Variants in NF1 observed in about 807,000 individuals in gnomAD.
NF1 encodes the protein neurofibromin.
In NF1, 122 loss-of-function variants were observed where a neutral mutation model predicts 325.7. The ratio of observed to expected loss-of-function variants is 0.37; its 90% CI spans 0.32 to 0.44. The LOEUF is 0.44. Ranked by LOEUF, NF1 falls within the 20% of genes least tolerant of loss-of-function variation. The pLI, the probability that NF1 is intolerant of heterozygous loss-of-function variation, is 1.00. For missense variants in NF1, 2,140 were observed against 3,415.4 expected, an observed-to-expected ratio of 0.63 and a Z score of 9.31; for synonymous variants, 1,091 against 1,186.0, an observed-to-expected ratio of 0.92 and a Z score of 1.65.
intron 12 of NF1, among the ~76,000 whole-genome samples, chr17:31,209,519 C>A (rs1392914563): frequency 2.6e-5 from 4 of 152,210 alleles, no homozygotes; most frequent in Non-Finnish European, 5.9e-5. Flanking sequence ...TAGAATACTT[C>A]TGATTCTTCC....
intron 8 of NF1, among the ~76,000 whole-genome samples, chr17:31,195,679 T>C (rs2066423151): frequency 1.3e-5 from 2 of 148,664 alleles, no homozygotes; most frequent in Non-Finnish European, 3.0e-5. Flanking sequence ...GTTCCATTCA[T>C]GTTGCCTTGA....
At chr17:31,102,253 G>A (rs762827749) in intron 1 of NF1, among the ~76,000 whole-genome samples, 4 of 152,090 alleles carry the variant, frequency 2.6e-5, no homozygotes, top group Admixed American at 6.6e-5. Context: ...CTTACTGTTA[G>A]GATATTTTGC....
chr17:31,234,987 A>G (rs1319719275), intron 27 of NF1, among the ~76,000 whole-genome samples: 2 of 152,150 alleles, frequency 1.3e-5, no homozygotes, highest in Non-Finnish European at 2.9e-5. Flanking sequence ...GTTTTACTAC[A>G]GAGAGTTATA....
intron 29 of NF1, among the ~76,000 whole-genome samples, chr17:31,240,933 A>G (rs533403057): frequency 6.6e-6 from 1 of 152,274 alleles, no homozygotes; most frequent in Admixed American, 6.5e-5. Context: ...GTTGGAGTGT[A>G]GTGGCGTGAT....
Position 31,327,552 on chromosome 17 carries a change from G to A in NF1, c.5322G>A (p.Gly1774=), listed in dbSNP as rs201584313. Residue 1774 remains glycine, a synonymous_variant, in exon 38 of 58, where the codon GGG becomes GGA. Coordinates refer to ENST00000358273, the MANE Select transcript of NF1 (RefSeq NM_001042492.3). ...VTSAERTKVL[G]QSVFLNDIYY... ...CAGCAGAGCGAACAAAAGTCCTAGGGCAATCAGTCTTTCTAAATGACATTT... is the reference window on the plus strand; with the variant it reads ...CAGCAGAGCGAACAAAAGTCCTAGGACAATCAGTCTTTCTAAATGACATTT... 31 of 1,614,126 alleles carry A rather than the reference G, an allele frequency of 1.9e-5. No homozygotes were observed. The African/African-American group carries it at 4.1e-4, about 22-fold the overall frequency.
intron 35 of NF1, among the ~76,000 whole-genome samples, chr17:31,263,135 A>AAGATAAGAT (rs2067723285): frequency 6.6e-6 from 1 of 151,804 alleles, no homozygotes; most frequent in Non-Finnish European, 1.5e-5. Flanking sequence ...AAGATAAGAT[A>AAGATAAGAT]AGATAAGATA....
chr17:31,185,362 C>G (rs1175876863), intron 8 of NF1, among the ~76,000 whole-genome samples: 1 of 152,160 alleles, frequency 6.6e-6, no homozygotes, highest in African/African-American at 2.4e-5. Context: ...TCATGTTTCA[C>G]TTCCACAACA....
chr17:31,363,518 C>A (rs1277191379), intron 57 of NF1, among the ~76,000 whole-genome samples: 1 of 150,174 alleles, frequency 6.7e-6, no homozygotes, highest in African/African-American at 2.5e-5. Flanking sequence ...CTCACTGCAA[C>A]CTCTGCCTCC....
intron 25 of NF1, 99 bp from the exon 26 acceptor site, chr17:31,232,601 C>T: frequency 8.8e-7 from 1 of 1,132,338 alleles, no homozygotes; most frequent in Non-Finnish European, 1.3e-6. Context: ...TAACCCAGGG[C>T]CATTCACACC....
intron 46 of NF1, chr17:31,340,272 A>G (rs370302267): frequency 1.8e-6 from 1 of 551,628 alleles, no homozygotes; most frequent in African/African-American, 1.9e-5. Flanking sequence ...TTTAGAAATC[A>G]AAGAACAGGG....
rs146307988 is a variant in NF1, at chr17:31,290,169, A to G, written c.4835+24830A>G. ...TTTTTATCAGGCTGGTTGTTTCAGC[A>G]TAATGGGGATTTTGTATAGACCAAT... On this transcript the variant is annotated intron_variant, in intron 36 of 57. Transcript: ENST00000358273. Among the ~76,000 whole-genome samples, 1,300 of 152,284 alleles carry G rather than the reference A, an allele frequency of 8.5e-3. 23 individuals are homozygous for G. The highest frequency in any genetic ancestry group is 0.029 in the African/African-American group (1,223 of 41,540).
intron 3 of NF1, 53 bp downstream of exon 3, chr17:31,159,146 G>T: frequency 8.2e-7 from 1 of 1,214,988 alleles, no homozygotes; most frequent in Non-Finnish European, 1.2e-6. Context: ...TCTTGAGAAT[G>T]ATCTTATGTC....
chr17:31,295,217 T>A, intron 36 of NF1: 12 of 1,614,078 alleles, frequency 7.4e-6, no homozygotes, highest in Non-Finnish European at 1.0e-5. Context: ...TGGGGATGAT[T>A]TTGTTGAGCT....
chr17:31,316,828 C>T (rs2069032272), intron 36 of NF1, among the ~76,000 whole-genome samples: 1 of 152,102 alleles, frequency 6.6e-6, no homozygotes, highest in Admixed American at 6.5e-5. Context: ...TTACAAATTG[C>T]TAATAAATTG....
intron 1 of NF1, among the ~76,000 whole-genome samples, chr17:31,109,976 A>G (rs1412115121): frequency 6.6e-6 from 1 of 152,166 alleles, no homozygotes; most frequent in Non-Finnish European, 1.5e-5. Flanking sequence ...GAGGAGGAGC[A>G]ACTGGTGCAG....
chr17:31,317,631 CTAAAG>C (rs2069058690), intron 36 of NF1: 1 of 152,076 alleles, frequency 6.6e-6, no homozygotes, highest in Non-Finnish European at 1.5e-5. Flanking sequence ...AATGTGTTCT[CTAAAG>C]TAATAAAGTG....
intron 29 of NF1, among the ~76,000 whole-genome samples, chr17:31,248,461 G>A (rs2067437999): frequency 6.6e-6 from 1 of 152,012 alleles, no homozygotes; most frequent in East Asian, 1.9e-4. Context: ...ACAAATTAAA[G>A]TTAATAATCC....
chr17:31,184,380 T>G (rs1409494185), intron 8 of NF1, among the ~76,000 whole-genome samples: 13 of 152,114 alleles, frequency 8.5e-5, no homozygotes, highest in Non-Finnish European at 1.5e-4. Flanking sequence ...CCGGGCGCGG[T>G]GGCTCACGCC....
At chr17:31,304,066 A>G (rs1439542637) in intron 36 of NF1, 2 of 506,172 alleles carry the variant, frequency 4.0e-6, no homozygotes, top group East Asian at 6.5e-5. Context: ...AGGTACTATA[A>G]TTAGTAAATA....
Sources: gnomAD v4.1 joint callset for allele counts (sites outside exome capture counted in the v4.1 genomes callset) on GRCh38, gnomAD v4.1.1 for gene constraint, MANE v1.5 for transcripts, NCBI Gene and HGNC (gene_info 2026-07-23, HGNC 2026-07-21) for gene names.